Variants in MTCL1 observed in about 807,000 individuals in gnomAD.
The protein encoded by MTCL1 is microtubule crosslinking factor 1.
A neutral mutation model predicts 141.4 loss-of-function variants in MTCL1; 79 were observed. The ratio of observed to expected loss-of-function variants is 0.56; its 90% CI spans 0.47 to 0.67. The LOEUF (loss-of-function observed/expected upper bound fraction) is 0.67, where lower values mean the gene tolerates loss of function less well. Among genes scored for constraint, MTCL1 ranks in the 30% least tolerant of loss-of-function variants. The pLI is 0.00. For missense variants in MTCL1, 2,177 were observed against 2,113.9 expected (o/e 1.03, Z -0.59); for synonymous variants, 914 against 875.8 (o/e 1.04, Z -0.77).
chr18:8,773,002 A>G (rs2096491160), intron 4 of MTCL1, among the ~76,000 whole-genome samples: 1 of 152,160 alleles, frequency 6.6e-6, no homozygotes, highest in Non-Finnish European at 1.5e-5. Context: ...TCATTTCACT[A>G]TGTGTATTCT....
chr18:8,754,685 G>C (rs1445144745), intron 4 of MTCL1, among the ~76,000 whole-genome samples: 1 of 152,220 alleles, frequency 6.6e-6, no homozygotes, highest in African/African-American at 2.4e-5. Flanking sequence ...CAGGTTCCTA[G>C]TAGCTTTAGT....
At chr18:8,759,064 C>A (rs1178553616) in intron 4 of MTCL1, among the ~76,000 whole-genome samples, 1 of 152,186 alleles carries the variant, frequency 6.6e-6, no homozygotes, top group African/African-American at 2.4e-5. Flanking sequence ...GATGTTGTTA[C>A]TGTTTGCAAT....
chr18:8,731,925 T>A (rs1456047616), intron 4 of MTCL1, among the ~76,000 whole-genome samples: 1 of 152,072 alleles, frequency 6.6e-6, no homozygotes, highest in African/African-American at 2.4e-5. Context: ...TCCAGGCTGG[T>A]CTTGAACTCC....
At chr18:8,780,537 G>A (rs1331443484) in intron 5 of MTCL1, among the ~76,000 whole-genome samples, 1 of 152,242 alleles carries the variant, frequency 6.6e-6, no homozygotes, top group Non-Finnish European at 1.5e-5. Flanking sequence ...TTTAGAGGTG[G>A]AGATGGGATC....
chr18:8,740,107 C>T (rs1009053253), intron 4 of MTCL1, among the ~76,000 whole-genome samples: 1 of 152,200 alleles, frequency 6.6e-6, no homozygotes, highest in Admixed American at 6.5e-5. Flanking sequence ...ATTGCTTTGT[C>T]CTTGTAAAAG....
At chr18:8,759,434 G>A (rs7239976) in intron 4 of MTCL1, among the ~76,000 whole-genome samples, 21,700 of 152,058 alleles carry the variant, frequency 0.14, 3,686 homozygotes, top group African/African-American at 0.4. Context: ...GAGGGTGAAG[G>A]GTTGACTATG....
intron 7 of MTCL1, 28 bp downstream of exon 6, chr18:8,786,119 C>CCCACA: frequency 7.0e-7 from 1 of 1,428,830 alleles, no homozygotes; most frequent in Non-Finnish European, 9.4e-7. Context: ...ATCCCCCCCC[C>CCCACA]CCGCCCTCCC....
rs753910817 is a variant in MTCL1 at position 8,720,392 on chromosome 18, A to G, written c.253A>G (p.Lys85Glu). The G allele has an allele frequency of 1.5e-5, 24 of 1,614,134 alleles. No individual in the cohort carries two copies. In the East Asian group the frequency reaches 5.1e-4, roughly 34 times the overall value. ...CCACGAACTTAAGACGGTGGAGGAA[A>G]AGCGCGCTAAAGCTGAGGATGAAAA... Residue 85 changes from lysine to glutamate, a missense_variant, in exon 4 of 17, where the codon AAG (lysine) becomes GAG (glutamate). Physicochemically the swap from Lys to Glu is moderately conservative, Grantham distance 56. Coordinates refer to ENST00000359865, the Ensembl canonical transcript of MTCL1.
At chr18:8,826,360 C>A in intron 15 of MTCL1, 128 bp downstream of exon 14, 1 of 942,750 alleles carries the variant, frequency 1.1e-6, no homozygotes, top group Non-Finnish European at 1.5e-6. Flanking sequence ...TTATTGGGAG[C>A]TGGGGAGGTG....
chr18:8,714,692 A>G (rs1458639309), upstream of MTCL1, among the ~76,000 whole-genome samples: 1 of 152,126 alleles, frequency 6.6e-6, no homozygotes, highest in Non-Finnish European at 1.5e-5. Context: ...GTTACCTCCC[A>G]CTGGGTCCCT....
chr18:8,789,388 G>T, intron 7 of MTCL1: 1 of 983,468 alleles, frequency 1.0e-6, no homozygotes, highest in Non-Finnish European at 1.2e-6. Context: ...CCTAATAGAG[G>T]AGTAGCATTG....
intron 1 of MTCL1, among the ~76,000 whole-genome samples, chr18:8,708,612 A>C (rs907957426): frequency 5.3e-5 from 8 of 152,204 alleles, no homozygotes; most frequent in African/African-American, 1.9e-4. Flanking sequence ...CCCTATTTCC[A>C]GCGAGGCTGC....
In MTCL1 at chr18:8,706,723, G is replaced by T. The variant is rs1487005878; in HGVS notation, c.1053+10G>T. 7.8e-6 allele frequency: 12 copies of T among 1,544,298 alleles called. No individual in the cohort carries two copies. Among genetic ancestry groups the T allele is most frequent in the Non-Finnish European group, 9.6e-6 (11 of 1,145,898 alleles). ...GAACGACTATCTCAAGGTGAGCCGCGCCTCGGCCGCAGGTGTCCCGGGGCG... is the reference window on the plus strand; with the variant it reads ...GAACGACTATCTCAAGGTGAGCCGCTCCTCGGCCGCAGGTGTCCCGGGGCG... On this transcript the variant is annotated intron_variant, in intron 1 of 13. Transcript: ENST00000306329.
chr18:8,812,830 C>A, intron 11 of MTCL1, 149 bp from the exon 11 acceptor site: 2 of 1,001,620 alleles, frequency 2.0e-6, no homozygotes, highest in Non-Finnish European at 1.4e-6. Flanking sequence ...TTAATTAGGA[C>A]TTTAAAAATA....
At chr18:8,706,463 C>T in exon 1 of MTCL1, 1 of 1,258,596 alleles carries the variant, frequency 7.9e-7, no homozygotes, top group Non-Finnish European at 1.0e-6. Flanking sequence ...GAGCCCCCAG[C>T]GCTCCTCGCC....
At chr18:8,809,354 C>A in intron 11 of MTCL1, 1 of 1,441,312 alleles carries the variant, frequency 6.9e-7, no homozygotes, top group Non-Finnish European at 9.3e-7. Flanking sequence ...TAAACATAGG[C>A]AACAAGCCCA....
In MTCL1 at chr18:8,781,287, T is replaced by C. The variant is rs118091947; in HGVS notation, c.418-2243T>C. Among the ~76,000 whole-genome samples, 1,129 of 151,968 alleles carry C rather than the reference T, an allele frequency of 7.4e-3. 14 individuals carry two copies. Among genetic ancestry groups the C allele is most frequent in the East Asian group, 0.049 (252 of 5,168 alleles). On this transcript the variant is annotated intron_variant, in intron 5 of 16. Coordinates refer to ENST00000359865, the Ensembl canonical transcript of MTCL1. ...ACGTATGCCTTTTACAGCCCATGTA[T>C]TCTGTGTAGGTTCTTTCAAAAAATA...
chr18:8,775,408 T>TAAAAAAAAAAAAAAA (rs780102071), intron 4 of MTCL1, among the ~76,000 whole-genome samples: 1 of 92,986 alleles, frequency 1.1e-5, no homozygotes, highest in Non-Finnish European at 2.2e-5. Context: ...TCGTCTCTAC[T>TAAAAAAAAAAAAAAA]AAAAAAAAAA....
At chr18:8,785,855 A>C (rs1598651749) in intron 6 of MTCL1, 81 bp from the exon 6 acceptor site, 7 of 1,487,176 alleles carry the variant, frequency 4.7e-6, no homozygotes, top group South Asian at 2.8e-5. Context: ...CCCTGCCTCC[A>C]CCCTTGTCCT....
Sources: allele counts gnomAD v4.1 joint callset (sites outside exome capture counted in the v4.1 genomes callset), GRCh38; gene constraint gnomAD v4.1.1; transcripts MANE v1.5; gene names NCBI Gene and HGNC (gene_info 2026-07-23, HGNC 2026-07-21).